Variants in OGA observed in about 807,000 individuals in gnomAD.
OGA encodes O-GlcNAcase.
A neutral mutation model predicts 102.0 loss-of-function variants in OGA; 21 were observed. That is an observed-to-expected ratio of 0.21 (90% CI 0.15 to 0.30). The LOEUF (loss-of-function observed/expected upper bound fraction) is 0.30. Ranked by LOEUF, OGA falls within the 10% of genes least tolerant of loss-of-function variation. The pLI is 1.00. For synonymous variants in OGA, 408 were observed against 378.2 expected, an observed-to-expected ratio of 1.08 and a Z score of -0.91; for missense variants, 765 against 1,107.8, an observed-to-expected ratio of 0.69 and a Z score of 4.39.
chr10:101,791,486 A>G (rs1394195115), intron 12 of OGA, 47 bp from the exon 13 acceptor site: 2 of 1,477,952 alleles, frequency 1.4e-6, no homozygotes, highest in Non-Finnish European at 9.4e-7. Context: ...AAATGGCAGC[A>G]GAATCTAACA....
At chr10:101,793,243 T>G (rs2065278959) in intron 11 of OGA, among the ~76,000 whole-genome samples, 1 of 152,222 alleles carries the variant, frequency 6.6e-6, no homozygotes, top group Non-Finnish European at 1.5e-5. Context: ...CAAATCTATT[T>G]TTTTTTAAAA....
intron 7 of OGA, among the ~76,000 whole-genome samples, chr10:101,800,785 T>C (rs2065380743): frequency 1.3e-5 from 2 of 148,632 alleles, no homozygotes; most frequent in Admixed American, 1.3e-4. Flanking sequence ...TTTTTTTTTT[T>C]TTTTTTTGAG....
intron 6 of OGA, among the ~76,000 whole-genome samples, chr10:101,804,981 G>GCTT (rs2065449283): frequency 6.6e-6 from 1 of 152,126 alleles, no homozygotes; most frequent in Non-Finnish European, 1.5e-5. Flanking sequence ...TCCTAACGCT[G>GCTT]CTTAAGGATG....
intron 4 of OGA, among the ~76,000 whole-genome samples, chr10:101,809,410 T>C (rs911049923): frequency 1.3e-5 from 2 of 152,106 alleles, no homozygotes; most frequent in African/African-American, 2.4e-5. Flanking sequence ...ATTTGGAAAA[T>C]ATTCCTCTAT....
Position 101,817,961 on chromosome 10 carries a change from G to C in OGA, c.62C>G (p.Pro21Arg). The change falls in exon 1 of 16, where the codon CCT (proline) becomes CGT (arginine). Residue 21 changes from proline to arginine, a missense_variant. This residue lies in a region of OGA where 117 missense variants were observed against 85.7 expected (regional missense o/e 1.36). Transcript: ENST00000361464. Reference protein sequence around the residue: ...EERESELSSNPAASAGASLEP... With the variant: ...EERESELSSNRAASAGASLEP... ...CAGCGATGCCCCCGCAGAGGCGGCA[G>C]GGTTGGAGCTGAGCTCGCTCTCCCG... 2 of 1,604,380 alleles carry C rather than the reference G, an allele frequency of 1.2e-6. No individual in the cohort carries two copies. Among genetic ancestry groups the C allele is most frequent in the South Asian group, 2.2e-5 (2 of 90,180 alleles).
chr10:101,786,899 C>G (rs901958196), intron 15 of OGA, among the ~76,000 whole-genome samples: 3 of 152,242 alleles, frequency 2.0e-5, no homozygotes, highest in African/African-American at 7.2e-5. Context: ...TCCCGAGTAG[C>G]TGGGATTACA....
intron 3 of OGA, among the ~76,000 whole-genome samples, chr10:101,811,396 G>GA (rs1239432205): frequency 1.1e-3 from 8 of 7,574 alleles, no homozygotes; most frequent in East Asian, 4.8e-3. Flanking sequence ...CTCAAAAAAT[G>GA]AAAAAAAATG....
chr10:101,813,385 T>C (rs11817066), intron 2 of OGA, among the ~76,000 whole-genome samples, 170 bp downstream of exon 2: 169 of 152,218 alleles, frequency 1.1e-3, no homozygotes, highest in African/African-American at 4.0e-3. Flanking sequence ...CAGGAAAAGT[T>C]TGAAAATCAA....
At position 101,787,351 on chromosome 10, in the gene OGA, A is replaced by C. The variant is rs893869491; in HGVS notation, c.2614+13T>G. 1 of 1,600,040 alleles carries C rather than the reference A, an allele frequency of 6.2e-7. No homozygotes were observed. The highest frequency in any genetic ancestry group is 8.6e-7 in the Non-Finnish European group (1 of 1,169,312). On this transcript the variant is annotated intron_variant, in intron 15 of 15. Transcript: ENST00000361464. ...TTGCCCAAATACCACCAACTCCACA[A>C]ATATGTACTCACCATTAGCCTTCAG... is the stretch of plus-strand genomic sequence containing the variant.
At chr10:101,796,847 C>T (rs1403148097) in intron 10 of OGA, among the ~76,000 whole-genome samples, 1 of 152,138 alleles carries the variant, frequency 6.6e-6, no homozygotes, top group Non-Finnish European at 1.5e-5. Context: ...ACCTCAGCCA[C>T]CAAGAGCGCT....
intron 1 of OGA, among the ~76,000 whole-genome samples, chr10:101,814,145 A>G (rs1169888394): frequency 6.6e-6 from 1 of 152,110 alleles, no homozygotes; most frequent in Non-Finnish European, 1.5e-5. Context: ...CCTGGCCAAC[A>G]TGGTGAAACC....
intron 15 of OGA, among the ~76,000 whole-genome samples, chr10:101,786,880 G>A (rs1305379203): frequency 6.6e-6 from 1 of 152,192 alleles, no homozygotes; most frequent in East Asian, 1.9e-4. Flanking sequence ...CAAGTCTCCT[G>A]CCTCAGCCTC....
chr10:101,791,985 C>A (rs1344033552), intron 12 of OGA, among the ~76,000 whole-genome samples: 1 of 151,948 alleles, frequency 6.6e-6, no homozygotes. Flanking sequence ...CGCCACCACG[C>A]CCAGCTAATT....
intron 12 of OGA, 35 bp downstream of exon 12, chr10:101,792,804 C>A: frequency 1.4e-6 from 2 of 1,435,764 alleles, no homozygotes; most frequent in Non-Finnish European, 2.0e-6. Context: ...TGCACCATAC[C>A]CATACACCAA....
At chr10:101,817,678 C>A in intron 1 of OGA, 146 bp downstream of exon 1, 1 of 923,598 alleles carries the variant, frequency 1.1e-6, no homozygotes. Flanking sequence ...CGCCCAACAT[C>A]TCGTCTCTCC....
chr10:101,794,591 C>T (rs887946720), intron 10 of OGA, among the ~76,000 whole-genome samples: 2 of 152,110 alleles, frequency 1.3e-5, no homozygotes, highest in Admixed American at 6.6e-5. Context: ...GCTAATAATA[C>T]CAGTCTGACA....
At chr10:101,796,757 G>A (rs1439055806) in intron 10 of OGA, among the ~76,000 whole-genome samples, 2 of 151,890 alleles carry the variant, frequency 1.3e-5, no homozygotes, top group African/African-American at 4.8e-5. Context: ...TTTTTTAGTA[G>A]AGATAGGGTT....
chr10:101,803,070 A>G lies in OGA; in HGVS notation c.1036+665T>C, dbSNP rs1336949304. ...GCTGGAGAATCGCTTGAACCTGGGAAGCAGAGGTTGCAGCGAGCTGAGATT... is the reference window on the plus strand; with the variant it reads ...GCTGGAGAATCGCTTGAACCTGGGAGGCAGAGGTTGCAGCGAGCTGAGATT... On this transcript the variant is annotated intron_variant, in intron 7 of 15. Coordinates refer to ENST00000361464, the MANE Select transcript of OGA (RefSeq NM_012215.5). Among the ~76,000 whole-genome samples the G allele has an allele frequency of 2.0e-5, 3 of 146,974 alleles. No homozygotes were observed. The South Asian group carries it at 6.6e-4, about 32-fold the overall frequency.
chr10:101,792,040 C>T (rs2065266127), intron 12 of OGA, among the ~76,000 whole-genome samples: 1 of 147,876 alleles, frequency 6.8e-6, no homozygotes, highest in Non-Finnish European at 1.5e-5. Context: ...TTTTTTGAGA[C>T]GGAGTCTCGC....
Sources: allele counts gnomAD v4.1 joint callset (sites outside exome capture counted in the v4.1 genomes callset), GRCh38; gene constraint gnomAD v4.1.1; regional missense constraint gnomAD v4.1.1; transcripts MANE v1.5; gene names NCBI Gene and HGNC (gene_info 2026-07-23, HGNC 2026-07-21).